TMEM135: variants seen among roughly 807,000 people sequenced by gnomAD.
TMEM135 encodes the protein peroxisomal membrane protein 52.
In TMEM135, 30 loss-of-function variants were observed where a neutral mutation model predicts 60.3. The ratio of observed to expected loss-of-function variants is 0.50; its 90% CI spans 0.37 to 0.68. The LOEUF is 0.68. TMEM135 is among the 30% of genes least tolerant of loss of function. The pLI is 0.00. For missense variants in TMEM135, 468 were observed against 548.8 expected (o/e 0.85, Z 1.47); for synonymous variants, 190 against 186.7 (o/e 1.02, Z -0.14).
At chr11:87,138,362 A>G (rs1026739332) in intron 4 of TMEM135, among the ~76,000 whole-genome samples, 1 of 152,170 alleles carries the variant, frequency 6.6e-6, no homozygotes, top group Non-Finnish European at 1.5e-5. Flanking sequence ...AAGCGCTGGG[A>G]TTACAGGTTT....
At chr11:87,165,884 G>C (rs575408591) in intron 5 of TMEM135, among the ~76,000 whole-genome samples, 6 of 150,378 alleles carry the variant, frequency 4.0e-5, no homozygotes, top group African/African-American at 1.5e-4. Flanking sequence ...TCTAATAGAC[G>C]CAATAAAAAA....
Position 87,324,325 on chromosome 11 carries a change from G to A in TMEM135, c.*2992G>A, listed in dbSNP as rs1013635130. The A allele has an allele frequency of 4.4e-6, 2 of 453,912 alleles. No homozygotes were observed. Among genetic ancestry groups the A allele is most frequent in the African/African-American group, 4.0e-5 (2 of 49,988 alleles). 28.1% of individuals were successfully genotyped at this position (453,912 alleles called of 1,614,324 possible). A position where few individuals can be genotyped will look rare whatever the true frequency, so the allele number is the denominator to read the frequency against. On this transcript the variant is annotated 3_prime_UTR_variant, in exon 15 of 15. Transcript: ENST00000305494. The stretch of plus-strand genomic sequence containing the variant: ...TGGTGCTAATTAGGAAGCTTCTTGT[G>A]GGACTGAAGGGAACTGACCACTGGA...
At chr11:87,205,676 G>A (rs1940218504) in intron 5 of TMEM135, among the ~76,000 whole-genome samples, 2 of 152,290 alleles carry the variant, frequency 1.3e-5, no homozygotes, top group South Asian at 4.1e-4. Context: ...CATTTGTGAT[G>A]TTAATGTTGT....
intron 5 of TMEM135, among the ~76,000 whole-genome samples, chr11:87,201,361 G>C (rs900819329): frequency 2.6e-5 from 4 of 152,260 alleles, no homozygotes; most frequent in Admixed American, 2.6e-4. Flanking sequence ...AAATAAATAA[G>C]TGGGTTTTGG....
rs142805571 is a variant in TMEM135 at position 87,295,802 on chromosome 11, G to C, written c.530G>C (p.Gly177Ala). ...FFFRCKDGLKGFTFSALRFIV... is the reference protein window; with the variant it reads ...FFFRCKDGLKAFTFSALRFIV... ...TTTAGGTGCAAGGATGGCTTGAAAG[G>C]ATTTACATTTTCTGCACTTAGGTAA... Residue 177 changes from glycine (G) to alanine (A), a missense_variant, in exon 7 of 15, where the codon GGA becomes GCA. Gly to Ala is a moderately conservative substitution (Grantham distance 60, BLOSUM62 0). Coordinates refer to ENST00000305494, the MANE Select transcript of TMEM135 (RefSeq NM_022918.4). The C allele has an allele frequency of 5.6e-6, 9 of 1,607,720 alleles. No homozygotes were observed. The African/African-American group carries it at 1.1e-4, about 19-fold the overall frequency.
chr11:87,117,335 G>T (rs959679572), intron 4 of TMEM135, among the ~76,000 whole-genome samples: 1 of 152,066 alleles, frequency 6.6e-6, no homozygotes, highest in African/African-American at 2.4e-5. Context: ...CATATTGATT[G>T]ACTCTTTCTT....
At chr11:87,262,275 G>A (rs757615014) in intron 6 of TMEM135, among the ~76,000 whole-genome samples, 2 of 152,094 alleles carry the variant, frequency 1.3e-5, no homozygotes, top group East Asian at 1.9e-4. Context: ...AAATGGATTC[G>A]CTGGTTCAAA....
At chr11:87,306,049 G>GTATAGAAAT (rs1942537565) in intron 9 of TMEM135, 44 bp downstream of exon 9, 4 of 1,116,676 alleles carry the variant, frequency 3.6e-6, no homozygotes, top group Non-Finnish European at 1.3e-6. Context: ...TAGGGAATGG[G>GTATAGAAAT]TATAGAAATT....
intron 4 of TMEM135, among the ~76,000 whole-genome samples, chr11:87,110,272 A>G (rs1857708409): frequency 6.6e-6 from 1 of 152,138 alleles, no homozygotes; most frequent in South Asian, 2.1e-4. Flanking sequence ...GTGGTTAAGA[A>G]CACTAGCTCT....
intron 6 of TMEM135, among the ~76,000 whole-genome samples, chr11:87,276,825 C>T (rs920437790): frequency 2.6e-5 from 4 of 151,732 alleles, no homozygotes; most frequent in Non-Finnish European, 5.9e-5. Flanking sequence ...TGCGAGGCCA[C>T]CATGCCTGGC....
At chr11:87,305,555 C>A (rs1414487014) in intron 8 of TMEM135, among the ~76,000 whole-genome samples, 1 of 152,024 alleles carries the variant, frequency 6.6e-6, no homozygotes. Context: ...AGGCGGATCA[C>A]CTGAGGTCAG....
rs115256409 is a variant in TMEM135 at position 87,262,005 on chromosome 11, T to A, written c.509+25321T>A. Among the ~76,000 whole-genome samples the A allele has an allele frequency of 4.1e-3, 627 of 152,318 alleles. 4 individuals carry two copies. Among genetic ancestry groups the A allele is most frequent in the African/African-American group, 0.014 (594 of 41,572 alleles). On this transcript the variant is annotated intron_variant, in intron 6 of 14. Transcript: ENST00000305494. ...TCACAAATTATATATTGTTCTGTAG[T>A]GTTTTTCTATTTAATAATGCATCTT... is the stretch of plus-strand genomic sequence containing the variant.
chr11:87,230,107 G>A (rs1940859330), intron 5 of TMEM135, among the ~76,000 whole-genome samples: 1 of 151,932 alleles, frequency 6.6e-6, no homozygotes, highest in Admixed American at 6.6e-5. Context: ...TCATCCCTTA[G>A]TAGTTCCTCT....
chr11:87,136,045 C>T (rs1938088666), intron 4 of TMEM135, among the ~76,000 whole-genome samples: 1 of 151,810 alleles, frequency 6.6e-6, no homozygotes. Context: ...TTATTCATTG[C>T]TATTTATTTT....
intron 5 of TMEM135, among the ~76,000 whole-genome samples, chr11:87,186,726 A>C (rs892075651): frequency 2.0e-5 from 3 of 152,184 alleles, no homozygotes; most frequent in Non-Finnish European, 4.4e-5. Context: ...TAGTAGGAAA[A>C]TATAAAGATT....
At chr11:87,149,819 G>A (rs1938509589) in intron 4 of TMEM135, among the ~76,000 whole-genome samples, 1 of 152,032 alleles carries the variant, frequency 6.6e-6, no homozygotes, top group Admixed American at 6.5e-5. Flanking sequence ...ATTCTCATCT[G>A]CACTGCTCTA....
chr11:87,279,560 A>C (rs2054915), intron 6 of TMEM135, among the ~76,000 whole-genome samples: 55,709 of 152,092 alleles, frequency 0.37, 10,873 homozygotes, highest in Non-Finnish European at 0.43. Flanking sequence ...CAGAATGTAA[A>C]CAACTTGCTT....
At chr11:87,162,197 T>A (rs1565467564) in intron 5 of TMEM135, among the ~76,000 whole-genome samples, 2 of 151,816 alleles carry the variant, frequency 1.3e-5, no homozygotes, top group African/African-American at 4.8e-5. Flanking sequence ...GTATATCTTT[T>A]ATTTTTTTTT....
At chr11:87,147,093 AG>A (rs1472947025) in intron 4 of TMEM135, among the ~76,000 whole-genome samples, 1 of 152,152 alleles carries the variant, frequency 6.6e-6, no homozygotes, top group East Asian at 1.9e-4. Context: ...AAGCCGAGAC[AG>A]GGGGATCACC....
Sources: gnomAD v4.1 joint callset for allele counts (sites outside exome capture counted in the v4.1 genomes callset) on GRCh38, gnomAD v4.1.1 for gene constraint, MANE v1.5 for transcripts, NCBI Gene and HGNC (gene_info 2026-07-23, HGNC 2026-07-21) for gene names.